Variants in PARD3B observed in about 807,000 individuals in gnomAD.
The protein encoded by PARD3B is par-3 family cell polarity regulator beta.
In PARD3B, 103 loss-of-function variants were observed where a neutral mutation model predicts 130.2. That is an observed-to-expected ratio of 0.79 (90% CI 0.67 to 0.93). PARD3B has a LOEUF of 0.93. PARD3B is among the 40% of genes least tolerant of loss of function. PARD3B has a pLI of 0.00. For synonymous variants in PARD3B, 583 were observed against 553.2 expected, an observed-to-expected ratio of 1.05 and a Z score of -0.76; for missense variants, 1,609 against 1,499.2, an observed-to-expected ratio of 1.07 and a Z score of -1.21.
intron 21 of PARD3B, among the ~76,000 whole-genome samples, chr2:205,524,081 T>G (rs898615608): frequency 6.6e-6 from 1 of 152,146 alleles, no homozygotes; most frequent in African/African-American, 2.4e-5. Context: ...TATCTAACTT[T>G]TCTTTCTCTA....
At chr2:204,790,734 C>G (rs189819510) in intron 2 of PARD3B, among the ~76,000 whole-genome samples, 31 of 152,142 alleles carry the variant, frequency 2.0e-4, no homozygotes, top group Non-Finnish European at 3.7e-4. Flanking sequence ...TTTTTTACTT[C>G]GTATTTCGTC....
intron 2 of PARD3B, among the ~76,000 whole-genome samples, chr2:204,784,287 C>T (rs1010572803): frequency 6.6e-6 from 1 of 152,158 alleles, no homozygotes; most frequent in Non-Finnish European, 1.5e-5. Flanking sequence ...TCTGGCAAAC[C>T]TGTCAGTTAG....
chr2:205,410,750 C>G (rs2046568328), intron 19 of PARD3B, among the ~76,000 whole-genome samples: 1 of 152,138 alleles, frequency 6.6e-6, no homozygotes, highest in Non-Finnish European at 1.5e-5. Context: ...CTCTCATCTT[C>G]TTTCCTTATT....
intron 2 of PARD3B, among the ~76,000 whole-genome samples, chr2:204,830,231 C>T (rs1206254016): frequency 1.3e-5 from 2 of 151,964 alleles, no homozygotes; most frequent in Non-Finnish European, 2.9e-5. Context: ...TGTGAGAATG[C>T]ACTAATACAT....
Position 205,035,898 on chromosome 2 carries a change from A to G in PARD3B, c.395-11683A>G, listed in dbSNP as rs756210654. 2.6e-3 allele frequency among the ~76,000 whole-genome samples: 335 copies of G among 128,166 alleles called. 1 individual carries two copies. Among genetic ancestry groups the G allele is most frequent in the Non-Finnish European group, 4.5e-3 (278 of 61,240 alleles). 84.1% of individuals were successfully genotyped at this position (128,166 alleles called of 152,430 possible). A position where few individuals can be genotyped will look rare whatever the true frequency, so the allele number is the denominator to read the frequency against. On this transcript the variant is annotated intron_variant, in intron 3 of 22. Coordinates refer to ENST00000406610, the MANE Select transcript of PARD3B (RefSeq NM_001302769.2). ...AAATATATAATATATATAATGGGCT[A>G]TATATATGAGATATATCTCTGACTC... is the stretch of plus-strand genomic sequence containing the variant.
intron 19 of PARD3B, among the ~76,000 whole-genome samples, chr2:205,413,844 T>G (rs2046682978): frequency 6.6e-6 from 1 of 152,220 alleles, no homozygotes; most frequent in South Asian, 2.1e-4. Context: ...CAAATTGGGC[T>G]TGTGTCCCCA....
intron 10 of PARD3B, among the ~76,000 whole-genome samples, chr2:205,148,433 G>A (rs1433549049): frequency 6.6e-6 from 1 of 152,046 alleles, no homozygotes; most frequent in African/African-American, 2.4e-5. Flanking sequence ...CCCTACTCTA[G>A]GATGATATCC....
rs1393027141 is a variant in PARD3B, at chr2:204,799,172, A to G, written c.222+112890A>G. Among the ~76,000 whole-genome samples the G allele has an allele frequency of 2.0e-5, 3 of 151,912 alleles. No individual in the cohort carries two copies. The highest frequency in any genetic ancestry group is 2.0e-4 in the Admixed American group (3 of 15,252). ...AAGGGAGAGACCCAGACCTGGAAGC[A>G]TTCACCACAAGCTGCCTGAAAAGCC... On this transcript the variant is annotated intron_variant, in intron 2 of 22. Transcript: ENST00000406610. The surrounding 1 kb of genome is among the most constrained non-coding windows in gnomAD (Gnocchi z 4.1).
At chr2:204,974,845 C>A (rs184530757) in intron 3 of PARD3B, among the ~76,000 whole-genome samples, 4 of 152,280 alleles carry the variant, frequency 2.6e-5, no homozygotes, top group Admixed American at 2.6e-4. Flanking sequence ...GCCTGTCACT[C>A]CCTTCAGTTA....
intron 22 of PARD3B, among the ~76,000 whole-genome samples, chr2:205,570,947 A>G (rs2053539290): frequency 6.6e-6 from 1 of 152,204 alleles, no homozygotes; most frequent in Non-Finnish European, 1.5e-5. Flanking sequence ...AATCCAAAGG[A>G]AGTAAAATAT....
intron 2 of PARD3B, among the ~76,000 whole-genome samples, chr2:204,778,563 A>G (rs1448512045): frequency 2.0e-5 from 3 of 152,110 alleles, no homozygotes; most frequent in Non-Finnish European, 4.4e-5. Flanking sequence ...GCAGTATTGG[A>G]TGGATCTGAA....
intron 2 of PARD3B, among the ~76,000 whole-genome samples, chr2:204,892,196 A>G (rs1244059423): frequency 6.6e-6 from 1 of 152,122 alleles, no homozygotes; most frequent in Admixed American, 6.5e-5. Flanking sequence ...GAGAGCAATG[A>G]GTGTGAAAGC....
At chr2:204,999,932 C>T (rs746026947) in intron 3 of PARD3B, among the ~76,000 whole-genome samples, 1 of 151,968 alleles carries the variant, frequency 6.6e-6, no homozygotes, top group African/African-American at 2.4e-5. Context: ...TTTACTTATA[C>T]GATACAAGGG....
In PARD3B at chr2:205,309,757, G is replaced by T. The variant is rs1300399612; in HGVS notation, c.2630+8056G>T. Among the ~76,000 whole-genome samples, 1 of 152,142 alleles carries T rather than the reference G, an allele frequency of 6.6e-6. No homozygotes were observed. The highest frequency in any genetic ancestry group is 1.5e-5 in the Non-Finnish European group (1 of 68,034). ...CTGCGGCCTTCACGAGTCCCTTTGA[G>T]TTTCAGTCACCTCCTCATCAGCAAA... On this transcript the variant is annotated intron_variant, in intron 18 of 22. Transcript: ENST00000406610. The surrounding 1 kb of genome is among the most constrained non-coding windows in gnomAD (Gnocchi z 4.7).
intron 2 of PARD3B, among the ~76,000 whole-genome samples, chr2:204,868,077 G>A (rs1317367373): frequency 6.6e-6 from 1 of 152,120 alleles, no homozygotes; most frequent in East Asian, 1.9e-4. Flanking sequence ...TGAACATTGT[G>A]AAAGATATCT....
intron 15 of PARD3B, among the ~76,000 whole-genome samples, chr2:205,242,091 A>G (rs2039377689): frequency 6.6e-6 from 1 of 152,200 alleles, no homozygotes; most frequent in African/African-American, 2.4e-5. Flanking sequence ...TCTATCAATT[A>G]AGTCATTATA....
chr2:205,151,832 G>A (rs923332107), intron 10 of PARD3B, among the ~76,000 whole-genome samples: 5 of 152,202 alleles, frequency 3.3e-5, no homozygotes, highest in Admixed American at 1.3e-4. Flanking sequence ...TTGCCCATTA[G>A]TTGATGCAGT....
At chr2:205,474,013 A>C (rs369479044) in intron 20 of PARD3B, among the ~76,000 whole-genome samples, 22 of 151,712 alleles carry the variant, frequency 1.5e-4, no homozygotes, top group Admixed American at 7.2e-4. Flanking sequence ...TTCTTATTTC[A>C]TCTTCACCAC....
intron 1 of PARD3B, among the ~76,000 whole-genome samples, chr2:204,656,432 G>A (rs1316523527): frequency 6.6e-6 from 1 of 152,026 alleles, no homozygotes; most frequent in Non-Finnish European, 1.5e-5. Flanking sequence ...AGTTATTCCT[G>A]GTATGATAAC....
Sources: gnomAD v4.1 joint callset for allele counts (sites outside exome capture counted in the v4.1 genomes callset) on GRCh38, gnomAD v4.1.1 for gene constraint, Gnocchi (gnomAD v3.1) non-coding constraint, MANE v1.5 for transcripts, NCBI Gene and HGNC (gene_info 2026-07-23, HGNC 2026-07-21) for gene names.